The following TRPA1 variants were observed in gnomAD, a reference collection of about 807,000 sequenced individuals.
The protein encoded by TRPA1 is transient receptor potential cation channel subfamily A member 1.
A neutral mutation model predicts 131.3 loss-of-function variants in TRPA1; 129 were observed. That is an observed-to-expected ratio of 0.98 (90% CI 0.85 to 1.14). The LOEUF (loss-of-function observed/expected upper bound fraction) is 1.14. TRPA1 is among the 50% of genes most tolerant of loss of function. The probability of loss-of-function intolerance (pLI) is 0.00; values close to 1 mark genes in which losing one functional copy is unlikely to be tolerated. For synonymous variants in TRPA1, 441 were observed against 451.7 expected (o/e 0.98, Z 0.30); for missense variants, 1,304 against 1,354.2 (o/e 0.96, Z 0.58).
chr8:72,035,020 T>G (rs13282402), intron 21 of TRPA1, among the ~76,000 whole-genome samples: 35,767 of 152,070 alleles, frequency 0.24, 4,497 homozygotes, highest in Middle Eastern at 0.45. Flanking sequence ...GAACTGGAAG[T>G]CACCTAATGC....
At position 72,061,875 on chromosome 8, in the gene TRPA1, A is replaced by C. The variant is rs773423455; in HGVS notation, c.808-114T>G. On this transcript the variant is annotated intron_variant, in intron 6 of 26. Transcript: ENST00000262209. ...TTCATAAAATCAAGGAATATCTATC[A>C]GGCTGATCACCATTAATCATCTGAA... is the stretch of plus-strand genomic sequence containing the variant. 3.6e-6 allele frequency: 4 copies of C among 1,121,496 alleles called. No homozygotes were observed. The Admixed American group carries it at 7.8e-5, about 22-fold the overall frequency. 69.5% of individuals were successfully genotyped at this position (1,121,496 alleles called of 1,614,324 possible).
At chr8:72,050,937 A>G (rs1805488825) in intron 14 of TRPA1, 66 bp from the exon 15 acceptor site, 1 of 1,151,462 alleles carries the variant, frequency 8.7e-7, no homozygotes, top group South Asian at 1.2e-5. Context: ...AACAGCTGAA[A>G]CTCAAGATTA....
the TRPA1 span, among the ~76,000 whole-genome samples, chr8:72,083,522 C>T: frequency 6.7e-6 from 1 of 150,186 alleles, no homozygotes; most frequent in Non-Finnish European, 1.5e-5. Flanking sequence ...ATCACGAGGT[C>T]AAGGGATCGA....
In TRPA1 at chr8:72,059,580, T is replaced by C. The variant is rs144378164; in HGVS notation, c.945-142A>G. On this transcript the variant is annotated intron_variant, in intron 7 of 26. Coordinates refer to ENST00000262209, the MANE Select transcript of TRPA1 (RefSeq NM_007332.3). Reference sequence around the variant, plus strand: ...AGAATGTTAGAGAATTAGTAAGCTTTCAAAATTTATAATTTGATTCTGATT... The same window carrying C: ...AGAATGTTAGAGAATTAGTAAGCTTCCAAAATTTATAATTTGATTCTGATT... 3,067 of 567,406 alleles carry C rather than the reference T, an allele frequency of 5.4e-3. 92 individuals are homozygous for C. The highest frequency in any genetic ancestry group is 0.05 in the African/African-American group (2,619 of 51,968). The allele number at this position is 567,406 out of a possible 1,614,324, so 35.1% of individuals were successfully genotyped here.
rs1259234537 is a variant in TRPA1, at chr8:72,062,964, T to A, written c.662-20A>T. 1 of 1,606,972 alleles carries A rather than the reference T, an allele frequency of 6.2e-7. No individual in the cohort carries two copies. Among genetic ancestry groups the A allele is most frequent in the South Asian group, 1.1e-5 (1 of 90,510 alleles). ...CTTCACCTTGAGAAGAAAATAACAT[T>A]CAACATAACAAATATATAAAATAAA... On this transcript the variant is annotated intron_variant, in intron 5 of 26. Coordinates refer to ENST00000262209, the MANE Select transcript of TRPA1 (RefSeq NM_007332.3).
At position 72,063,451 on chromosome 8, in the gene TRPA1, G is replaced by T; in HGVS notation, c.661+12C>A. On this transcript the variant is annotated intron_variant, in intron 5 of 26. Coordinates refer to ENST00000262209, the MANE Select transcript of TRPA1 (RefSeq NM_007332.3). ...TATTTATAGTATATAACATAGAAAAGCCTCAACTCACCAAACCTTAGTATT... is the reference window on the plus strand; with the variant it reads ...TATTTATAGTATATAACATAGAAAATCCTCAACTCACCAAACCTTAGTATT... 6.4e-7 allele frequency: 1 copy of T among 1,569,218 alleles called. No individual in the cohort carries two copies. The highest frequency in any genetic ancestry group is 2.2e-5 in the East Asian group (1 of 44,548).
At chr8:72,083,757 AAACG>A in the TRPA1 span, among the ~76,000 whole-genome samples, 62 of 151,196 alleles carry the variant, frequency 4.1e-4, no homozygotes, top group African/African-American at 1.5e-3. Flanking sequence ...CAAAAACAAA[AAACG>A]AACAAACAAA....
Position 72,075,496 on chromosome 8 carries a change from G to T in TRPA1, c.-87C>A. ...AGAGAGCGCTGTCAGCCTGCCAGGC[G>T]CTGGGGTCCGCGCGAGCCCGAGCTC... On this transcript the variant is annotated 5_prime_UTR_variant, in exon 1 of 27. Coordinates refer to ENST00000262209, the MANE Select transcript of TRPA1 (RefSeq NM_007332.3). 1 of 1,120,538 alleles carries T rather than the reference G, an allele frequency of 8.9e-7. No homozygotes were observed. The highest frequency in any genetic ancestry group is 1.3e-6 in the Non-Finnish European group (1 of 746,532). 69.4% of individuals were successfully genotyped at this position (1,120,538 alleles called of 1,614,324 possible). A position where few individuals can be genotyped will look rare whatever the true frequency, so the allele number is the denominator to read the frequency against.
intron 1 of TRPA1, 125 bp downstream of exon 1, chr8:72,075,174 T>G: frequency 1.3e-6 from 1 of 768,654 alleles, no homozygotes; most frequent in Non-Finnish European, 2.3e-6. Flanking sequence ...TCTTGGATTG[T>G]GCACACACCC....
At chr8:72,068,599 AG>A (rs1805984629) in intron 3 of TRPA1, among the ~76,000 whole-genome samples, 1 of 152,216 alleles carries the variant, frequency 6.6e-6, no homozygotes, top group Non-Finnish European at 1.5e-5. Flanking sequence ...GTCAGGTAAA[AG>A]TGATAAAGCC....
intron 12 of TRPA1, chr8:72,054,612 T>C (rs1459649655): frequency 3.9e-5 from 6 of 152,438 alleles, no homozygotes; most frequent in Non-Finnish European, 7.3e-5. Context: ...AAGCAACAAC[T>C]GTCTGGCCTG....
Position 72,061,690 on chromosome 8 carries a change from C to A in TRPA1, c.879G>T (p.Ser293=). 6.2e-7 allele frequency: 1 copy of A among 1,613,940 alleles called. No individual in the cohort carries two copies. Among genetic ancestry groups the A allele is most frequent in the Non-Finnish European group, 8.5e-7 (1 of 1,179,932 alleles). Residue 293 remains serine, a synonymous_variant, in exon 7 of 27, where the codon TCG becomes TCT. Coordinates refer to ENST00000262209, the MANE Select transcript of TRPA1 (RefSeq NM_007332.3). The part of the protein sequence containing the change: ...GATEIVKLMI[S]SYSGSVDIVN... Reference sequence around the variant, plus strand: ...CAATATCCACGCTACCAGAATAGGACGATATCATCAGTTTAACAATCTCAG... The same window carrying A: ...CAATATCCACGCTACCAGAATAGGAAGATATCATCAGTTTAACAATCTCAG...
intron 4 of TRPA1, among the ~76,000 whole-genome samples, chr8:72,064,615 C>T (rs1434020084): frequency 1.3e-5 from 2 of 151,870 alleles, no homozygotes; most frequent in Admixed American, 6.6e-5. Context: ...AGTAAAGGTG[C>T]TAAAACATAT....
rs546496497 is a variant in TRPA1 at position 72,022,948 on chromosome 8, C to T, written c.3318G>A (p.Val1106=). 6 of 1,613,892 alleles carry T rather than the reference C, an allele frequency of 3.7e-6. No homozygotes were observed. Among genetic ancestry groups the T allele is most frequent in the Admixed American group, 3.3e-5 (2 of 59,966 alleles). ...GTGTTTTTGCCTTGACTGCTCTCAACACAGTATTCCATCTGCTATTCCTTT... is the reference window on the plus strand; with the variant it reads ...GTGTTTTTGCCTTGACTGCTCTCAATACAGTATTCCATCTGCTATTCCTTT... The part of the protein sequence containing the change: ...MEQRNSRWNT[V]LRAVKAKTHH... Residue 1106 remains valine (V), a synonymous_variant, in exon 27 of 27, where the codon GTG becomes GTA. Coordinates refer to ENST00000262209, the MANE Select transcript of TRPA1 (RefSeq NM_007332.3).
intron 6 of TRPA1, 87 bp from the exon 7 acceptor site, chr8:72,061,848 G>A (rs1305639488): frequency 7.8e-6 from 11 of 1,411,754 alleles, no homozygotes; most frequent in Non-Finnish European, 1.1e-5. Flanking sequence ...TTTCTTCCCA[G>A]GTTCATAAAA....
At chr8:72,032,257 T>C (rs1424319748) in intron 23 of TRPA1, among the ~76,000 whole-genome samples, 1 of 152,192 alleles carries the variant, frequency 6.6e-6, no homozygotes, top group Admixed American at 6.5e-5. Flanking sequence ...CAGTTTTTCA[T>C]TAGCAGAGCA....
rs1326730909 is a variant in TRPA1 at position 72,023,033 on chromosome 8, G to C, written c.3233C>G (p.Thr1078Arg). 1.2e-6 allele frequency: 2 copies of C among 1,613,586 alleles called. No homozygotes were observed. Among genetic ancestry groups the C allele is most frequent in the African/African-American group, 1.3e-5 (1 of 74,896 alleles). The change falls in exon 27 of 27, where the codon ACA (threonine) becomes AGA (arginine). Residue 1078 changes from threonine to arginine, a missense_variant. Thr to Arg is a moderately conservative substitution (Grantham distance 71, BLOSUM62 -1). Transcript: ENST00000262209. The part of the protein sequence containing the change: ...IIQKMEIISE[T>R]EDDDSHCSFQ... ...AGAACAATGGCTATCATCATCCTCT[G>C]TCTCAGAGATGATCTCCATCTTCTG...
In TRPA1 at chr8:72,057,727, T is replaced by C. The variant is rs142525297; in HGVS notation, c.1083A>G (p.Leu361=). The C allele has an allele frequency of 5.4e-5, 87 of 1,613,320 alleles. No homozygotes were observed. In the African/African-American group the frequency reaches 8.3e-4, roughly 15 times the overall value. ...ASASWNIVNL[L]LSKGAQVDIK... is the part of the protein sequence containing the mutation. ...GTTCCCTCTTGGTACCTTTAGAGAG[T>C]AGCAAATTTACAATATTCCAAGATG... The change falls in exon 9 of 27, where the codon CTA becomes CTG. Residue 361 remains leucine (L), a synonymous_variant. Transcript: ENST00000262209.
chr8:72,087,836 A>G, the TRPA1 span, among the ~76,000 whole-genome samples: 5,832 of 151,978 alleles, frequency 0.038, 380 homozygotes, highest in African/African-American at 0.13. Flanking sequence ...TCATTTTTGT[A>G]TTTTAGATCT....
Sources: allele counts gnomAD v4.1 joint callset (sites outside exome capture counted in the v4.1 genomes callset), GRCh38; gene constraint gnomAD v4.1.1; transcripts MANE v1.5; gene names NCBI Gene and HGNC (gene_info 2026-07-23, HGNC 2026-07-21).